HDAC4: variants seen among roughly 807,000 people sequenced by gnomAD.
The protein encoded by HDAC4 is histone deacetylase 4, also known as histone deacetylase A.
HDAC4 carries 16 observed loss-of-function variants against 135.1 expected under a neutral mutation model. The ratio of observed to expected loss-of-function variants is 0.12; its 90% CI spans 0.08 to 0.18. The LOEUF (loss-of-function observed/expected upper bound fraction) is 0.18. HDAC4 is among the 10% of genes least tolerant of loss of function. The pLI is 1.00. For missense variants in HDAC4, 1,143 were observed against 1,511.8 expected, an observed-to-expected ratio of 0.76 and a Z score of 4.05; for synonymous variants, 685 against 653.4, an observed-to-expected ratio of 1.05 and a Z score of -0.74.
At position 239,303,189 on chromosome 2, in the gene HDAC4, C is replaced by T. The variant is rs533292961; in HGVS notation, c.22+49489G>A. On this transcript the variant is annotated intron_variant, in intron 2 of 26. Coordinates refer to ENST00000543185, the MANE Select transcript of HDAC4 (RefSeq NM_001378414.1). The surrounding 1 kb of genome is among the most constrained non-coding windows in gnomAD (Gnocchi z 5.1). ...GCACCTGGCCCTGGCCTGTTCCCAT[C>T]CCACACCCGGCTGCTCAGGCCTGGG... 1.3e-5 allele frequency among the ~76,000 whole-genome samples: 2 copies of T among 152,346 alleles called. No individual in the cohort carries two copies. Among genetic ancestry groups the T allele is most frequent in the South Asian group, 2.1e-4 (1 of 4,828 alleles).
At chr2:239,101,711 A>C (rs1245422144) in intron 16 of HDAC4, among the ~76,000 whole-genome samples, 1 of 152,064 alleles carries the variant, frequency 6.6e-6, no homozygotes, top group Non-Finnish European at 1.5e-5. Context: ...TCGAGGAACA[A>C]AGGGAGCCCT....
chr2:239,117,029 A>C (rs2039197567), intron 12 of HDAC4, among the ~76,000 whole-genome samples: 2 of 152,170 alleles, frequency 1.3e-5, no homozygotes, highest in African/African-American at 4.8e-5. Flanking sequence ...ACCACTTCTG[A>C]CTCATCCACG....
chr2:239,251,503 G>C (rs561361459), intron 2 of HDAC4, among the ~76,000 whole-genome samples: 2 of 152,254 alleles, frequency 1.3e-5, no homozygotes, highest in South Asian at 4.1e-4. Flanking sequence ...GCTGAGGCAC[G>C]AGGATCTCTC....
chr2:239,214,859 A>G (rs2046539952), intron 3 of HDAC4, among the ~76,000 whole-genome samples: 1 of 152,224 alleles, frequency 6.6e-6, no homozygotes, highest in African/African-American at 2.4e-5. Flanking sequence ...CTGGAGAGAA[A>G]TAGGAGTCAA....
chr2:239,383,488 C>G (rs146781074), intron 1 of HDAC4, among the ~76,000 whole-genome samples: 1 of 152,182 alleles, frequency 6.6e-6, no homozygotes, highest in African/African-American at 2.4e-5. Context: ...AGCACTCAGC[C>G]GGAACAGGTG....
intron 11 of HDAC4, among the ~76,000 whole-genome samples, 186 bp downstream of exon 11, chr2:239,134,059 G>A (rs1225274746): frequency 6.6e-6 from 1 of 152,166 alleles, no homozygotes; most frequent in Non-Finnish European, 1.5e-5. Flanking sequence ...CTGACTCTGG[G>A]AGTGAGGCAT....
rs138498494 is a variant in HDAC4, at chr2:239,113,442, C to G, written c.1791+1611G>C. Reference sequence around the variant, plus strand: ...TAAGTGGTTAATAAGCAATCCTCCCCGACGCGGGCTGGAGGTGCCCCGCCT... The same window carrying G: ...TAAGTGGTTAATAAGCAATCCTCCCGGACGCGGGCTGGAGGTGCCCCGCCT... On this transcript the variant is annotated intron_variant, in intron 13 of 26. Transcript: ENST00000543185. Among the ~76,000 whole-genome samples the G allele has an allele frequency of 8.5e-3, 1,287 of 152,280 alleles. 16 individuals are homozygous for G. The highest frequency in any genetic ancestry group is 0.03 in the African/African-American group (1,233 of 41,548).
intron 11 of HDAC4, among the ~76,000 whole-genome samples, chr2:239,127,215 T>G (rs2898716): frequency 0.68 from 104,048 of 152,134 alleles, 36,158 homozygotes; most frequent in East Asian, 0.79. Flanking sequence ...AGCACTGATT[T>G]TATGCACAAA....
intron 7 of HDAC4, 34 bp downstream of exon 7, chr2:239,156,618 G>A: frequency 6.2e-7 from 1 of 1,613,882 alleles, no homozygotes; most frequent in South Asian, 1.1e-5. Flanking sequence ...CCGTGCAGGA[G>A]ACCTCCCGGC....
At chr2:239,194,473 G>A (rs530691495) in intron 3 of HDAC4, among the ~76,000 whole-genome samples, 16 of 152,276 alleles carry the variant, frequency 1.1e-4, no homozygotes, top group Admixed American at 1.0e-3. Flanking sequence ...GCTCCTGCCC[G>A]CCTCACAGGC....
chr2:239,196,970 G>A (rs533897463), intron 3 of HDAC4, among the ~76,000 whole-genome samples: 17 of 152,258 alleles, frequency 1.1e-4, no homozygotes, highest in East Asian at 7.7e-4. Flanking sequence ...CCGGGCAGGC[G>A]CTCCCTCTGT....
At chr2:239,133,204 A>G (rs575691634) in intron 11 of HDAC4, among the ~76,000 whole-genome samples, 1 of 152,264 alleles carries the variant, frequency 6.6e-6, no homozygotes, top group South Asian at 2.1e-4. Context: ...CAAAACAAGA[A>G]AACACCAAAA....
At position 239,271,875 on chromosome 2, in the gene HDAC4, G is replaced by A. The variant is rs1344563562; in HGVS notation, c.23-35211C>T. ...CGAAATTTCCTGGAACTTGTGTTTC[G>A]AGTGGGGGAAAAGCCACTACAATGC... On this transcript the variant is annotated intron_variant, in intron 2 of 26. Coordinates refer to ENST00000543185, the MANE Select transcript of HDAC4 (RefSeq NM_001378414.1). Among the ~76,000 whole-genome samples the A allele has an allele frequency of 3.3e-5, 5 of 152,170 alleles. No homozygotes were observed. The South Asian group carries it at 6.2e-4, about 19-fold the overall frequency.
At position 239,051,110 on chromosome 2, in the gene HDAC4, C is replaced by G. The variant is rs949386341; in HGVS notation, c.*1987G>C. On this transcript the variant is annotated 3_prime_UTR_variant, in exon 27 of 27. Coordinates refer to ENST00000543185, the MANE Select transcript of HDAC4 (RefSeq NM_001378414.1). ...ATGAGTTTCATTAATGCTGACTGCC[C>G]CCGGCATCTGGCAAGCCTCCCAGGG... The G allele has an allele frequency of 1.3e-5, 2 of 152,590 alleles. No individual in the cohort carries two copies. The highest frequency in any genetic ancestry group is 4.8e-5 in the African/African-American group (2 of 41,432). 9.5% of individuals were successfully genotyped at this position (152,590 alleles called of 1,614,324 possible).
At chr2:239,377,240 G>A (rs1695076787) in intron 1 of HDAC4, among the ~76,000 whole-genome samples, 2 of 152,182 alleles carry the variant, frequency 1.3e-5, no homozygotes, top group Admixed American at 1.3e-4. Flanking sequence ...CTCAGGCGTC[G>A]CCACCACAGG....
intron 1 of HDAC4, among the ~76,000 whole-genome samples, chr2:239,359,167 C>G (rs1228400469): frequency 6.6e-6 from 1 of 152,158 alleles, no homozygotes; most frequent in Non-Finnish European, 1.5e-5. Context: ...ATGAAAACTT[C>G]AAACATATAC....
intron 4 of HDAC4, among the ~76,000 whole-genome samples, chr2:239,178,839 G>A (rs1306120691): frequency 6.6e-6 from 1 of 152,232 alleles, no homozygotes; most frequent in Non-Finnish European, 1.5e-5. Context: ...GCTGGCTCCA[G>A]AGTGGGGCTT....
At chr2:239,350,434 A>T (rs1384351412) in intron 2 of HDAC4, among the ~76,000 whole-genome samples, 1 of 152,190 alleles carries the variant, frequency 6.6e-6, no homozygotes, top group Non-Finnish European at 1.5e-5. Context: ...CAACTGAGTT[A>T]ATATATAATT....
At position 239,068,721 on chromosome 2, in the gene HDAC4, A is replaced by G. The variant is rs1447423914; in HGVS notation, c.2751-114T>C. On this transcript the variant is annotated intron_variant, in intron 22 of 26. Coordinates refer to ENST00000543185, the MANE Select transcript of HDAC4 (RefSeq NM_001378414.1). This position sits in a 1 kb window ranked among gnomAD's most constrained non-coding sequence, Gnocchi z 4.4. ...ATGCCTGCCCCGCACCCCCTCGGCC[A>G]CTGGCGGGCTGAGGGCTCCACACAG... 2 of 914,310 alleles carry G rather than the reference A, an allele frequency of 2.2e-6. No individual in the cohort carries two copies. The highest frequency in any genetic ancestry group is 1.8e-6 in the Non-Finnish European group (1 of 551,224). The allele number at this position is 914,310 out of a possible 1,614,324, so 56.6% of individuals were successfully genotyped here. A position where few individuals can be genotyped will look rare whatever the true frequency, so the allele number is the denominator to read the frequency against.
Sources: allele counts gnomAD v4.1 joint callset (sites outside exome capture counted in the v4.1 genomes callset), GRCh38; gene constraint gnomAD v4.1.1; non-coding constraint Gnocchi (gnomAD v3.1); transcripts MANE v1.5; gene names NCBI Gene and HGNC (gene_info 2026-07-23, HGNC 2026-07-21).